CANX: variants seen among roughly 807,000 people sequenced by gnomAD.
CANX encodes calnexin.
CANX carries 14 observed loss-of-function variants against 75.7 expected under a neutral mutation model. The observed-to-expected ratio is 0.19, with a 90% CI of 0.12 to 0.29. The LOEUF (loss-of-function observed/expected upper bound fraction) is 0.29, where lower values mean the gene tolerates loss of function less well. Among genes scored for constraint, CANX ranks in the 10% least tolerant of loss-of-function variants. The pLI is 1.00. For synonymous variants in CANX, 227 were observed against 236.9 expected (o/e 0.96, Z 0.38); for missense variants, 567 against 713.2 (o/e 0.79, Z 2.34).
intron 7 of CANX, among the ~76,000 whole-genome samples, chr5:179,714,158 C>G (rs1777766912): frequency 6.6e-6 from 1 of 152,010 alleles, no homozygotes; most frequent in African/African-American, 2.4e-5. Context: ...GCCACCATGC[C>G]CGGCCAATTT....
intron 1 of CANX, among the ~76,000 whole-genome samples, chr5:179,702,033 G>A (rs1430337364): frequency 2.0e-5 from 3 of 151,590 alleles, no homozygotes; most frequent in Non-Finnish European, 4.4e-5. Flanking sequence ...GAGCCACCGC[G>A]CTCAGCCTTA....
intron 1 of CANX, chr5:179,678,864 A>C (rs959223311): frequency 1.3e-6 from 2 of 1,536,058 alleles, no homozygotes; most frequent in Non-Finnish European, 1.7e-6. Context: ...AGCAGCGGCG[A>C]CCGCGTCCTC....
chr5:179,685,642 C>T (rs1776178214), intron 1 of CANX, among the ~76,000 whole-genome samples: 1 of 148,228 alleles, frequency 6.7e-6, no homozygotes, highest in Non-Finnish European at 1.5e-5. Context: ...GAAACCTCTG[C>T]CTGCTGGGTT....
At chr5:179,691,707 T>G (rs529747805) in intron 1 of CANX, among the ~76,000 whole-genome samples, 1 of 152,162 alleles carries the variant, frequency 6.6e-6, no homozygotes, top group African/African-American at 2.4e-5. Flanking sequence ...CTTGGGCTCT[T>G]TGACATCCCT....
At chr5:179,696,379 G>A (rs1250713612), upstream of CANX, among the ~76,000 whole-genome samples, 1 of 144,160 alleles carries the variant, frequency 6.9e-6, no homozygotes, top group Non-Finnish European at 1.5e-5. Flanking sequence ...GGGTTCAAGC[G>A]ATTGTCCTGC....
chr5:179,717,155 A>C (rs534952531), intron 8 of CANX, among the ~76,000 whole-genome samples: 1 of 152,318 alleles, frequency 6.6e-6, no homozygotes, highest in South Asian at 2.1e-4. Context: ...TTTGTAAAAT[A>C]TCCTCCTATG....
At position 179,729,494 on chromosome 5, in the gene CANX, ACTT is replaced by A. The variant is rs1405419928; in HGVS notation, c.*855_*857del. 3 of 152,948 alleles carry A rather than the reference ACTT, an allele frequency of 2.0e-5. No individual in the cohort carries two copies. The highest frequency in any genetic ancestry group is 1.3e-4 in the Admixed American group (2 of 15,296). The allele number at this position is 152,948 out of a possible 1,614,324, so 9.5% of individuals were successfully genotyped here. A position where few individuals can be genotyped will look rare whatever the true frequency, so the allele number is the denominator to read the frequency against. On this transcript the variant is annotated 3_prime_UTR_variant, in exon 15 of 15. Transcript: ENST00000247461. ...GAGCTCCGGAATAGATGTCTTCATC[ACTT>A]CTTCCACTGTGTGTTGACACTGTTT...
intron 8 of CANX, among the ~76,000 whole-genome samples, chr5:179,718,539 T>C (rs1778113966): frequency 6.6e-6 from 1 of 151,354 alleles, no homozygotes; most frequent in Non-Finnish European, 1.5e-5. Flanking sequence ...GTTTTTTCTT[T>C]TTTTTTGAGA....
intron 14 of CANX, among the ~76,000 whole-genome samples, chr5:179,727,749 A>G (rs2113293796): frequency 6.6e-6 from 1 of 152,290 alleles, no homozygotes; most frequent in Middle Eastern, 3.4e-3. Flanking sequence ...TCTAGGAAAG[A>G]TACGGTGGCC....
At chr5:179,695,214 A>G (rs953968977), upstream of CANX, among the ~76,000 whole-genome samples, 4 of 150,884 alleles carry the variant, frequency 2.7e-5, no homozygotes, top group Admixed American at 2.7e-4. Context: ...ACACCCGGCT[A>G]ATTTTTTTGT....
chr5:179,714,633 T>C (rs1354407033), intron 7 of CANX, among the ~76,000 whole-genome samples: 1 of 152,122 alleles, frequency 6.6e-6, no homozygotes, highest in Non-Finnish European at 1.5e-5. Context: ...TTCTCCTGCC[T>C]CAGCCTCCCG....
chr5:179,694,591 G>A (rs139911188), upstream of CANX: 5 of 971,622 alleles, frequency 5.1e-6, no homozygotes, highest in Middle Eastern at 2.4e-4. Context: ...TTAAATGACA[G>A]TGAAAAGCAG....
At chr5:179,713,590 T>C (rs1267801979) in intron 7 of CANX, among the ~76,000 whole-genome samples, 1 of 152,094 alleles carries the variant, frequency 6.6e-6, no homozygotes, top group African/African-American at 2.4e-5. Context: ...TCAGAAGAGC[T>C]GGAAGAGAAT....
chr5:179,698,595 A>T (rs1268448678), upstream of CANX: 20 of 1,288,974 alleles, frequency 1.6e-5, no homozygotes, highest in Non-Finnish European at 1.6e-5. Context: ...GGCTCCAGGA[A>T]CCAGACGGGT....
At chr5:179,692,759 G>A (rs1299893028) in intron 1 of CANX, among the ~76,000 whole-genome samples, 1 of 152,084 alleles carries the variant, frequency 6.6e-6, no homozygotes, top group Non-Finnish European at 1.5e-5. Context: ...CAAGTGATCT[G>A]CCTGCCTCGG....
chr5:179,693,101 A>C (rs12188590), intron 1 of CANX, among the ~76,000 whole-genome samples: 1 of 146,298 alleles, frequency 6.8e-6, no homozygotes, highest in Non-Finnish European at 1.5e-5. Flanking sequence ...AGCCGAGATC[A>C]TGCCACTGCA....
intron 1 of CANX, among the ~76,000 whole-genome samples, chr5:179,688,887 T>C (rs543619921): frequency 7.9e-5 from 12 of 151,362 alleles, no homozygotes; most frequent in African/African-American, 2.9e-4. Context: ...AGTTTGATGG[T>C]GCAGTGAGCC....
intron 7 of CANX, among the ~76,000 whole-genome samples, chr5:179,712,179 T>A (rs1777608347): frequency 6.6e-6 from 1 of 151,712 alleles, no homozygotes; most frequent in Non-Finnish European, 1.5e-5. Flanking sequence ...TTTTTGTTGT[T>A]GTTGTTGAGA....
chr5:179,678,977 C>A, intron 1 of CANX: 2 of 1,535,894 alleles, frequency 1.3e-6, no homozygotes, highest in Non-Finnish European at 8.7e-7. Flanking sequence ...CTCGGCCTGG[C>A]GCGTGTTGTG....
Sources: gnomAD v4.1 joint callset for allele counts (sites outside exome capture counted in the v4.1 genomes callset) on GRCh38, gnomAD v4.1.1 for gene constraint, MANE v1.5 for transcripts, NCBI Gene and HGNC (gene_info 2026-07-23, HGNC 2026-07-21) for gene names.